UPRT: variants seen among roughly 807,000 people sequenced by gnomAD.
UPRT encodes the protein uracil phosphoribosyltransferase homolog.
A neutral mutation model predicts 22.6 loss-of-function variants in UPRT; 5 were observed. That is an observed-to-expected ratio of 0.22 (90% CI 0.12 to 0.47). UPRT has a LOEUF of 0.47. Among genes scored for constraint, UPRT ranks in the 20% least tolerant of loss-of-function variants. UPRT has a pLI of 0.99. For missense variants in UPRT, 181 were observed against 239.9 expected (o/e 0.75, Z 1.62); for synonymous variants, 77 against 87.7 (o/e 0.88, Z 0.68).
At chrX:75,188,316 C>T (rs1269859575) in intron 4 of UPRT, among the ~76,000 whole-genome samples, 1 of 111,689 alleles carries the variant, frequency 9.0e-6, no homozygotes, top group Non-Finnish European at 1.9e-5. Flanking sequence ...CTAGGGGGTG[C>T]CTCCCAGTTA....
intron 4 of UPRT, among the ~76,000 whole-genome samples, chrX:75,241,577 C>T (rs765934108): frequency 7.2e-5 from 8 of 111,511 alleles, no homozygotes; most frequent in Non-Finnish European, 1.1e-4. Flanking sequence ...TATTGGGTAT[C>T]TACCCAGAGA....
chrX:75,214,227 A>G (rs1386132735), intron 4 of UPRT, among the ~76,000 whole-genome samples: 1 of 112,702 alleles, frequency 8.9e-6, no homozygotes, highest in Admixed American at 9.4e-5. Context: ...CTTCTAAATA[A>G]CACACGAGCC....
intron 4 of UPRT, among the ~76,000 whole-genome samples, chrX:75,257,689 C>A (rs1178568532): frequency 9.0e-6 from 1 of 111,571 alleles, no homozygotes; most frequent in East Asian, 2.8e-4. Context: ...GATTAATGTA[C>A]ACAAATCAGT....
chrX:75,219,109 T>G (rs1004957211), intron 4 of UPRT, among the ~76,000 whole-genome samples: 1 of 112,283 alleles, frequency 8.9e-6, no homozygotes, highest in African/African-American at 3.2e-5. Context: ...CACTTGGATA[T>G]TGTGGCACAG....
chrX:75,156,896 G>GTC (rs766688377), intron 1 of UPRT, among the ~76,000 whole-genome samples: 4 of 49,293 alleles, frequency 8.1e-5, no homozygotes, highest in Admixed American at 2.2e-4. Context: ...TCGTGGGACA[G>GTC]TCTCACACAC....
At chrX:75,172,052 C>T (rs768681417) in intron 4 of UPRT, among the ~76,000 whole-genome samples, 8 of 111,958 alleles carry the variant, frequency 7.1e-5, no homozygotes, top group South Asian at 7.5e-4. Flanking sequence ...TTTTTATGCT[C>T]GTTGGCCTCC....
intron 4 of UPRT, among the ~76,000 whole-genome samples, chrX:75,230,845 G>A (rs1366462567): frequency 9.0e-6 from 1 of 111,678 alleles, no homozygotes; most frequent in Admixed American, 9.5e-5. Context: ...GACCAAAGAA[G>A]GCAATAACAA....
At chrX:75,177,004 T>A (rs768724008) in intron 4 of UPRT, among the ~76,000 whole-genome samples, 1 of 111,422 alleles carries the variant, frequency 9.0e-6, no homozygotes, top group East Asian at 2.8e-4. Flanking sequence ...TTAGGATGCA[T>A]TTCAAGGGTG....
intron 1 of UPRT, among the ~76,000 whole-genome samples, chrX:75,280,855 T>C (rs780000247): frequency 8.9e-6 from 1 of 111,775 alleles, no homozygotes; most frequent in East Asian, 2.8e-4. Context: ...TGTAGATTGC[T>C]TTTGGCAGTA....
At chrX:75,248,610 A>G (rs2082515926) in intron 4 of UPRT, among the ~76,000 whole-genome samples, 1 of 112,181 alleles carries the variant, frequency 8.9e-6, no homozygotes, top group African/African-American at 3.2e-5. Flanking sequence ...GACGGGGAGA[A>G]TGGAACCAAG....
At chrX:75,297,186 G>T (rs900917174) in intron 3 of UPRT, among the ~76,000 whole-genome samples, 2 of 111,890 alleles carry the variant, frequency 1.8e-5, no homozygotes, top group Non-Finnish European at 3.8e-5. Flanking sequence ...TTCTCAGAGT[G>T]CAGTGATTCT....
At chrX:75,267,240 G>A (rs1204584292) in intron 4 of UPRT, among the ~76,000 whole-genome samples, 2 of 111,361 alleles carry the variant, frequency 1.8e-5, no homozygotes, top group Non-Finnish European at 3.8e-5. Flanking sequence ...CATATTCTAT[G>A]CAGCCATAAA....
upstream of UPRT, among the ~76,000 whole-genome samples, chrX:75,272,316 A>ATATATG (rs2082611837): frequency 6.8e-5 from 2 of 29,257 alleles, no homozygotes; most frequent in African/African-American, 1.5e-4. Flanking sequence ...ATATGTGTAT[A>ATATATG]TATACATATA....
chrX:75,250,491 C>A (rs1243064414), intron 4 of UPRT, among the ~76,000 whole-genome samples: 2 of 111,772 alleles, frequency 1.8e-5, no homozygotes, highest in African/African-American at 3.3e-5. Flanking sequence ...GACACATACA[C>A]CCTCCCAAGA....
intron 4 of UPRT, among the ~76,000 whole-genome samples, chrX:75,225,689 A>G (rs894647450): frequency 5.4e-4 from 60 of 111,695 alleles, no homozygotes; most frequent in Admixed American, 5.3e-3. Context: ...TTTTTAAACA[A>G]TTGTCACCAG....
intron 4 of UPRT, among the ~76,000 whole-genome samples, chrX:75,169,571 T>G (rs1449364912): frequency 8.9e-6 from 1 of 112,273 alleles, no homozygotes; most frequent in Non-Finnish European, 1.9e-5. Flanking sequence ...TTTCCATATA[T>G]TGGCATGGTT....
chrX:75,220,286 A>G (rs1033979997), intron 4 of UPRT, among the ~76,000 whole-genome samples: 8 of 110,377 alleles, frequency 7.2e-5, no homozygotes, highest in Admixed American at 4.8e-4. Context: ...TTTTCAGTCT[A>G]TATGTGTCTT....
At chrX:75,214,898 G>A (rs1344267417) in intron 4 of UPRT, among the ~76,000 whole-genome samples, 1 of 110,284 alleles carries the variant, frequency 9.1e-6, no homozygotes, top group Non-Finnish European at 1.9e-5. Flanking sequence ...GGGTGAAAGA[G>A]TAAGGCTTTG....
intron 4 of UPRT, among the ~76,000 whole-genome samples, chrX:75,200,497 G>A (rs1460863966): frequency 1.8e-5 from 2 of 112,163 alleles, no homozygotes. Context: ...AGGAGACTGA[G>A]GCATGAGAAT....
Sources: gnomAD v4.1 joint callset for allele counts (sites outside exome capture counted in the v4.1 genomes callset) on GRCh38, gnomAD v4.1.1 for gene constraint, MANE v1.5 for transcripts, NCBI Gene and HGNC (gene_info 2026-07-23, HGNC 2026-07-21) for gene names.